Variants in CACNA2D3 observed in about 807,000 individuals in gnomAD.
The protein encoded by CACNA2D3 is voltage-dependent calcium channel subunit alpha-2/delta-3.
Under a neutral mutation model 160.6 loss-of-function variants are expected in CACNA2D3, and 60 were observed. The observed-to-expected ratio is 0.37, with a 90% CI of 0.30 to 0.46. The LOEUF (loss-of-function observed/expected upper bound fraction) is 0.46, where lower values mean the gene tolerates loss of function less well. CACNA2D3 is among the 20% of genes least tolerant of loss of function. CACNA2D3 has a pLI of 1.00. For synonymous variants in CACNA2D3, 558 were observed against 492.9 expected (o/e 1.13, Z -1.75); for missense variants, 1,205 against 1,365.0 (o/e 0.88, Z 1.85).
chr3:54,464,748 G>A (rs541030983), intron 4 of CACNA2D3, among the ~76,000 whole-genome samples: 57 of 152,212 alleles, frequency 3.7e-4, no homozygotes, highest in Non-Finnish European at 5.1e-4. Context: ...ATGCCTCGCC[G>A]TGCTTCGGCT....
intron 10 of CACNA2D3, chr3:54,637,663 G>T (rs776852087): frequency 6.6e-6 from 1 of 151,872 alleles, no homozygotes; most frequent in Non-Finnish European, 1.5e-5. Context: ...TTAAGAAGGG[G>T]ACGGACTTAC....
At chr3:54,548,261 C>G (rs915783205) in intron 5 of CACNA2D3, among the ~76,000 whole-genome samples, 8 of 152,306 alleles carry the variant, frequency 5.3e-5, no homozygotes, top group Admixed American at 4.6e-4. Flanking sequence ...TTATTTTCAT[C>G]TAAATAAATG....
At chr3:54,764,486 T>TCA in intron 13 of CACNA2D3, 135 bp downstream of exon 13, 1 of 1,055,048 alleles carries the variant, frequency 9.5e-7, no homozygotes, top group Non-Finnish European at 1.3e-6. Context: ...TTGTATAGTG[T>TCA]TGGTCACCTT....
At chr3:54,840,341 T>C (rs147297189) in intron 16 of CACNA2D3, among the ~76,000 whole-genome samples, 12 of 151,464 alleles carry the variant, frequency 7.9e-5, no homozygotes, top group African/African-American at 2.9e-4. Flanking sequence ...TTAAAGAAAC[T>C]GAGGCATGGA....
At chr3:55,043,942 G>A (rs968952075) in intron 35 of CACNA2D3, among the ~76,000 whole-genome samples, 4 of 152,084 alleles carry the variant, frequency 2.6e-5, no homozygotes, top group African/African-American at 9.7e-5. Flanking sequence ...GTATACATCT[G>A]ATTGAACACA....
At chr3:55,063,875 C>T (rs985451341) in intron 35 of CACNA2D3, among the ~76,000 whole-genome samples, 1 of 152,180 alleles carries the variant, frequency 6.6e-6, no homozygotes, top group Admixed American at 6.5e-5. Context: ...GGGTTGGCTT[C>T]ATAATTGGCC....
chr3:54,282,510 G>C (rs986318501), intron 2 of CACNA2D3, among the ~76,000 whole-genome samples: 1 of 152,216 alleles, frequency 6.6e-6, no homozygotes, highest in Non-Finnish European at 1.5e-5. Context: ...CAATGTACTT[G>C]TGGAGTTGAG....
intron 2 of CACNA2D3, among the ~76,000 whole-genome samples, chr3:54,234,043 A>G (rs1320749583): frequency 2.0e-5 from 3 of 152,246 alleles, no homozygotes; most frequent in Admixed American, 2.0e-4. Flanking sequence ...ATGTCTGCAC[A>G]GCAAAATAAA....
chr3:54,265,358 G>A (rs1702480054), intron 2 of CACNA2D3, among the ~76,000 whole-genome samples: 1 of 152,114 alleles, frequency 6.6e-6, no homozygotes, highest in South Asian at 2.1e-4. Context: ...TGGACACAGG[G>A]AGGGGAACAT....
chr3:54,829,870 C>CT (rs1157995478), intron 14 of CACNA2D3, among the ~76,000 whole-genome samples: 5 of 120,526 alleles, frequency 4.1e-5, no homozygotes, highest in Non-Finnish European at 8.8e-5. Context: ...CATATCTTTT[C>CT]TTCTTCTTCT....
intron 2 of CACNA2D3, among the ~76,000 whole-genome samples, chr3:54,218,326 G>A (rs911017971): frequency 3.3e-5 from 5 of 152,152 alleles, no homozygotes; most frequent in East Asian, 1.9e-4. Context: ...AGCTGCATCC[G>A]TCTCAGCTGA....
At chr3:55,054,102 A>G (rs1704303126) in intron 35 of CACNA2D3, among the ~76,000 whole-genome samples, 1 of 151,514 alleles carries the variant, frequency 6.6e-6, no homozygotes. Flanking sequence ...TACATCTTTA[A>G]TTGCTCATGT....
At position 55,033,871 on chromosome 3, in the gene CACNA2D3, A is replaced by G. The variant is rs1575444943; in HGVS notation, c.2987+15554A>G. The stretch of plus-strand genomic sequence containing the variant: ...ACATATTAAATATATTTAATATATA[A>G]TATATATTACATATTAAGTATATTT... On this transcript the variant is annotated intron_variant, in intron 35 of 37. Coordinates refer to ENST00000474759, the MANE Select transcript of CACNA2D3 (RefSeq NM_018398.3). Among the ~76,000 whole-genome samples the G allele has an allele frequency of 3.1e-5, 4 of 127,082 alleles. No homozygotes were observed. The South Asian group carries it at 9.2e-4, about 29-fold the overall frequency. The allele number at this position is 127,082 out of a possible 152,430, so 83.4% of individuals were successfully genotyped here.
chr3:54,776,722 A>AT (rs1452852535), intron 13 of CACNA2D3, among the ~76,000 whole-genome samples: 2 of 151,774 alleles, frequency 1.3e-5, no homozygotes, highest in African/African-American at 4.8e-5. Context: ...CTTCTTTCCT[A>AT]TTCTCTGAGC....
intron 21 of CACNA2D3, among the ~76,000 whole-genome samples, chr3:54,883,823 C>CTCTCTCTCTCTCTCTCTCTCTCTCTCT (rs60132112): frequency 1.7e-4 from 15 of 88,958 alleles, no homozygotes; most frequent in African/African-American, 4.0e-4. Context: ...CTCTCTCTCT[C>CTCTCTCTCTCTCTCTCTCTCTCTCTCT]CTCTCTCTCC....
rs182821925 is a variant in CACNA2D3 at position 54,391,574 on chromosome 3, G to A, written c.381+4800G>A. On this transcript the variant is annotated intron_variant, in intron 4 of 37. Transcript: ENST00000474759. ...CACCCAGACCGGAGTGCAGTGGTGC[G>A]ATCTCAGCTCACTATAACCTGCGCC... 1.2e-4 allele frequency among the ~76,000 whole-genome samples: 18 copies of A among 151,200 alleles called. 1 individual carries two copies. In the East Asian group the frequency reaches 1.9e-3, roughly 16 times the overall value.
At chr3:54,435,174 A>C (rs1700042190) in intron 4 of CACNA2D3, among the ~76,000 whole-genome samples, 1 of 152,178 alleles carries the variant, frequency 6.6e-6, no homozygotes. Context: ...GAAGTGGAAC[A>C]AGGTAGTGGG....
chr3:54,267,902 G>T (rs902873844), intron 2 of CACNA2D3, among the ~76,000 whole-genome samples: 1 of 152,146 alleles, frequency 6.6e-6, no homozygotes, highest in African/African-American at 2.4e-5. Flanking sequence ...TAAGCTAATG[G>T]CACTAAAACA....
intron 4 of CACNA2D3, among the ~76,000 whole-genome samples, chr3:54,503,003 C>T (rs554404507): frequency 1.6e-4 from 24 of 152,296 alleles, no homozygotes; most frequent in Admixed American, 6.5e-5. Context: ...GTGTTGCCAT[C>T]GCAGTGAGAC....
Sources: allele counts gnomAD v4.1 joint callset (sites outside exome capture counted in the v4.1 genomes callset), GRCh38; gene constraint gnomAD v4.1.1; transcripts MANE v1.5; gene names NCBI Gene and HGNC (gene_info 2026-07-23, HGNC 2026-07-21).